Variants in IL1RAPL2 observed in about 807,000 individuals in gnomAD.
IL1RAPL2 encodes the protein interleukin 1 receptor accessory protein like 2, also known as X-linked interleukin-1 receptor accessory protein-like 2.
Under a neutral mutation model 44.1 loss-of-function variants are expected in IL1RAPL2, and 3 were observed. That is an observed-to-expected ratio of 0.07 (90% confidence interval 0.03 to 0.18). IL1RAPL2 has a LOEUF of 0.18. Among genes scored for constraint, IL1RAPL2 ranks in the 10% least tolerant of loss-of-function variants. The pLI, the probability that IL1RAPL2 is intolerant of heterozygous loss-of-function variation, is 1.00. For synonymous variants in IL1RAPL2, 181 were observed against 178.8 expected, an observed-to-expected ratio of 1.01 and a Z score of -0.10; for missense variants, 391 against 496.4, an observed-to-expected ratio of 0.79 and a Z score of 2.02.
chrX:105,364,784 T>G (rs1185823280), intron 5 of IL1RAPL2, among the ~76,000 whole-genome samples: 2 of 112,008 alleles, frequency 1.8e-5, no homozygotes, highest in Non-Finnish European at 3.8e-5. Flanking sequence ...TCTTTATTGA[T>G]TCTAATAGTT....
intron 2 of IL1RAPL2, among the ~76,000 whole-genome samples, chrX:105,030,995 C>T (rs1302034047): frequency 9.1e-6 from 1 of 110,350 alleles, no homozygotes; most frequent in African/African-American, 3.3e-5. Flanking sequence ...ATTTTATTCT[C>T]TTTGAAGCAA....
intron 6 of IL1RAPL2, among the ~76,000 whole-genome samples, chrX:105,568,265 A>G (rs936694619): frequency 8.9e-6 from 1 of 111,826 alleles, no homozygotes; most frequent in South Asian, 3.7e-4. Flanking sequence ...TTCTTCAAGC[A>G]GTATCATCCC....
chrX:104,675,602 A>G (rs1412928016), intron 2 of IL1RAPL2, among the ~76,000 whole-genome samples: 2 of 111,126 alleles, frequency 1.8e-5, no homozygotes, highest in East Asian at 2.8e-4. Context: ...AGTTCTGTAG[A>G]TGTCTATTAG....
intron 6 of IL1RAPL2, among the ~76,000 whole-genome samples, chrX:105,520,454 C>T (rs1156503939): frequency 1.8e-5 from 2 of 111,828 alleles, no homozygotes; most frequent in Non-Finnish European, 3.8e-5. Flanking sequence ...AAAATGAGAT[C>T]ATTTTAAGTT....
intron 2 of IL1RAPL2, among the ~76,000 whole-genome samples, chrX:104,668,372 A>T (rs1046751140): frequency 9.4e-6 from 1 of 106,915 alleles, no homozygotes; most frequent in African/African-American, 3.4e-5. Context: ...CATGTGCACA[A>T]TGTGCAGGTT....
intron 3 of IL1RAPL2, among the ~76,000 whole-genome samples, chrX:105,208,158 A>G (rs1428941297): frequency 2.7e-5 from 3 of 111,389 alleles, no homozygotes; most frequent in African/African-American, 9.8e-5. Flanking sequence ...TTTTCTGAGT[A>G]TGAACCTAAC....
chrX:104,920,647 G>A (rs776894573), intron 2 of IL1RAPL2, among the ~76,000 whole-genome samples: 19 of 106,468 alleles, frequency 1.8e-4, no homozygotes, highest in African/African-American at 6.2e-4. Context: ...CCAGTGCCAT[G>A]CTTGTACACC....
chrX:105,079,846 A>G (rs918402543), intron 2 of IL1RAPL2, among the ~76,000 whole-genome samples: 9 of 111,207 alleles, frequency 8.1e-5, no homozygotes, highest in Non-Finnish European at 1.5e-4. Flanking sequence ...ATTTCTCCAC[A>G]TCCTCTCCAG....
intron 4 of IL1RAPL2, among the ~76,000 whole-genome samples, chrX:105,257,560 T>A (rs2034325520): frequency 8.9e-6 from 1 of 112,293 alleles, no homozygotes; most frequent in Admixed American, 9.4e-5. Context: ...TATTATTGTG[T>A]TGGAGTCTAT....
chrX:105,332,778 T>G (rs2034996872), intron 5 of IL1RAPL2, among the ~76,000 whole-genome samples: 1 of 111,547 alleles, frequency 9.0e-6, no homozygotes, highest in Non-Finnish European at 1.9e-5. Context: ...CAATAGCCAT[T>G]AATAAAATCA....
intron 2 of IL1RAPL2, among the ~76,000 whole-genome samples, chrX:105,028,610 G>A (rs963750183): frequency 1.3e-4 from 14 of 111,222 alleles, no homozygotes; most frequent in Non-Finnish European, 2.6e-4. Flanking sequence ...CATGCATAGT[G>A]GGTTGTATTA....
chrX:105,449,161 C>T (rs909786441), intron 5 of IL1RAPL2, among the ~76,000 whole-genome samples: 27 of 111,462 alleles, frequency 2.4e-4, no homozygotes, highest in Non-Finnish European at 4.9e-4. Context: ...GTAATCTTCA[C>T]AGTCTGGGCT....
rs752669701 is a variant in IL1RAPL2 at position 104,637,818 on chromosome X, G to T, written c.-19-21077G>T. ...TGTGTGTGTCTGTGTGTGTGTGTGT[G>T]TGTGTCTGTGTGTCTGTGTGTGTGA... On this transcript the variant is annotated intron_variant, in intron 1 of 10. Coordinates refer to ENST00000372582, the MANE Select transcript of IL1RAPL2 (RefSeq NM_017416.2). Among the ~76,000 whole-genome samples the T allele has an allele frequency of 5.5e-5, 6 of 109,470 alleles. No homozygotes were observed. In the South Asian group the frequency reaches 2.3e-3, roughly 43 times the overall value.
At chrX:104,632,018 A>G (rs1178100365) in intron 1 of IL1RAPL2, among the ~76,000 whole-genome samples, 25 of 111,304 alleles carry the variant, frequency 2.2e-4, no homozygotes, top group African/African-American at 6.5e-5. Flanking sequence ...TAATTTTTGT[A>G]TAAGGTGTAA....
intron 6 of IL1RAPL2, among the ~76,000 whole-genome samples, chrX:105,599,882 C>T (rs1272876822): frequency 2.7e-5 from 3 of 110,898 alleles, no homozygotes; most frequent in African/African-American, 6.5e-5. Context: ...GAATAATGTT[C>T]AAATACAAAG....
At chrX:105,232,783 A>G (rs1556197049) in intron 3 of IL1RAPL2, among the ~76,000 whole-genome samples, 1 of 112,359 alleles carries the variant, frequency 8.9e-6, no homozygotes, top group African/African-American at 3.2e-5. Flanking sequence ...AGAAGACAGA[A>G]TTTTTGTTCA....
chrX:105,045,002 C>T (rs762539326), intron 2 of IL1RAPL2, among the ~76,000 whole-genome samples: 1 of 111,452 alleles, frequency 9.0e-6, no homozygotes, highest in South Asian at 3.8e-4. Context: ...ACTCTAAGAG[C>T]AATACTTCCA....
At position 105,202,558 on chromosome X, in the gene IL1RAPL2, C is replaced by T. The variant is rs782685940; in HGVS notation, c.356+6810C>T. 1.4e-3 allele frequency among the ~76,000 whole-genome samples: 160 copies of T among 112,049 alleles called. 12 individuals carry two copies. The highest frequency in any genetic ancestry group is 3.8e-4 in the Non-Finnish European group (20 of 53,161). ...CATGCATTCTACTCTATTGCCACTACCTCCTATTTTTCTAGCTCATTTTTT... is the reference window on the plus strand; with the variant it reads ...CATGCATTCTACTCTATTGCCACTATCTCCTATTTTTCTAGCTCATTTTTT... On this transcript the variant is annotated intron_variant, in intron 3 of 10. Transcript: ENST00000372582.
chrX:105,038,476 A>G (rs1171953562), intron 2 of IL1RAPL2, among the ~76,000 whole-genome samples: 1 of 111,800 alleles, frequency 8.9e-6, no homozygotes, highest in Non-Finnish European at 1.9e-5. Flanking sequence ...CATGCACACT[A>G]GTGCATGGTG....
Sources: gnomAD v4.1 joint callset for allele counts (sites outside exome capture counted in the v4.1 genomes callset) on GRCh38, gnomAD v4.1.1 for gene constraint, MANE v1.5 for transcripts, NCBI Gene and HGNC (gene_info 2026-07-23, HGNC 2026-07-21) for gene names.